The following LIMS1 variants were observed in gnomAD, a reference collection of about 807,000 sequenced individuals.
LIMS1 encodes the protein LIM zinc finger domain containing 1, also known as LIM and senescent cell antigen-like-containing domain protein 1.
Under a neutral mutation model 44.1 loss-of-function variants are expected in LIMS1, and 18 were observed. That is an observed-to-expected ratio of 0.41 (90% CI 0.28 to 0.61). The LOEUF (loss-of-function observed/expected upper bound fraction) is 0.61. Ranked by LOEUF, LIMS1 falls within the 20% of genes least tolerant of loss-of-function variation. The pLI, the probability that LIMS1 is intolerant of heterozygous loss-of-function variation, is 0.32. For missense variants in LIMS1, 201 were observed against 422.0 expected (o/e 0.48, Z 4.59); for synonymous variants, 93 against 149.1 (o/e 0.62, Z 2.74).
intron 1 of LIMS1, among the ~76,000 whole-genome samples, chr2:108,600,592 A>G (rs2104717887): frequency 6.6e-6 from 1 of 152,278 alleles, no homozygotes; most frequent in East Asian, 1.9e-4. Context: ...CATTATGGAT[A>G]TTCAGTTTTC....
chr2:108,610,584 A>G (rs1687546535), intron 1 of LIMS1, among the ~76,000 whole-genome samples: 1 of 152,134 alleles, frequency 6.6e-6, no homozygotes. Flanking sequence ...TGCTATTACC[A>G]TATCTAACAA....
chr2:108,595,199 G>A (rs1275000161), intron 1 of LIMS1, among the ~76,000 whole-genome samples: 1 of 152,118 alleles, frequency 6.6e-6, no homozygotes, highest in Non-Finnish European at 1.5e-5. Context: ...AACCGTATTT[G>A]GGTGGGGGTT....
At position 108,552,598 on chromosome 2, in the gene LIMS1, G is replaced by GTGTGTA. The variant is rs1250494670; in HGVS notation, c.32+18009_32+18010insATGTGT. Among the ~76,000 whole-genome samples, 154 of 149,644 alleles carry GTGTGTA rather than the reference G, an allele frequency of 1.0e-3. 2 individuals are homozygous for GTGTGTA. Among genetic ancestry groups the GTGTGTA allele is most frequent in the African/African-American group, 3.7e-3 (151 of 40,668 alleles). On this transcript the variant is annotated intron_variant, in intron 1 of 9. Transcript: ENST00000544547. ...ATATATATTTTGGGTGTGTGTGTGTGTGTGTGTGTGTGTGTTTTTGGAGAC... is the reference window on the plus strand; with the variant it reads ...ATATATATTTTGGGTGTGTGTGTGTGTGTGTATGTGTGTGTGTGTGTTTTTGGAGAC...
At chr2:108,621,718 T>A (rs1420547369) in intron 1 of LIMS1, among the ~76,000 whole-genome samples, 1 of 152,254 alleles carries the variant, frequency 6.6e-6, no homozygotes, top group Non-Finnish European at 1.5e-5. Flanking sequence ...GTTATGTCTT[T>A]AAAAATTATA....
At chr2:108,636,766 A>ACGG (rs1689280801) in intron 1 of LIMS1, among the ~76,000 whole-genome samples, 1 of 152,208 alleles carries the variant, frequency 6.6e-6, no homozygotes, top group African/African-American at 2.4e-5. Flanking sequence ...AACTGCTTTC[A>ACGG]AAAACCATAG....
At position 108,602,307 on chromosome 2, in the gene LIMS1, C is replaced by T. The variant is rs531581891; in HGVS notation, c.33-57298C>T. On this transcript the variant is annotated intron_variant, in intron 1 of 9. Coordinates refer to ENST00000544547, the Ensembl canonical transcript of LIMS1. Reference sequence around the variant, plus strand: ...CCTTTATTTCTCTTCTCTGATTGCCCTAGCTAGCACTTCCAGTACTGTGTT... The same window carrying T: ...CCTTTATTTCTCTTCTCTGATTGCCTTAGCTAGCACTTCCAGTACTGTGTT... Among the ~76,000 whole-genome samples, 3 of 152,270 alleles carry T rather than the reference C, an allele frequency of 2.0e-5. No individual in the cohort carries two copies. In the South Asian group the frequency reaches 6.2e-4, roughly 32 times the overall value.
At chr2:108,626,047 G>A (rs1173110065) in intron 1 of LIMS1, among the ~76,000 whole-genome samples, 1 of 152,158 alleles carries the variant, frequency 6.6e-6, no homozygotes. Flanking sequence ...AGGCTATAAA[G>A]GTGGTCATTG....
chr2:108,602,349 G>A (rs565005032), intron 1 of LIMS1, among the ~76,000 whole-genome samples: 1 of 152,308 alleles, frequency 6.6e-6, no homozygotes, highest in East Asian at 1.9e-4. Flanking sequence ...AGTGGTGAAA[G>A]TGGGCATCCT....
intron 1 of LIMS1, among the ~76,000 whole-genome samples, chr2:108,623,281 G>A (rs1688361742): frequency 6.6e-6 from 1 of 151,578 alleles, no homozygotes; most frequent in Non-Finnish European, 1.5e-5. Context: ...CCTATTTTCA[G>A]GATTAAATGA....
At chr2:108,551,877 GTA>G (rs554063808) in intron 1 of LIMS1, among the ~76,000 whole-genome samples, 2 of 141,910 alleles carry the variant, frequency 1.4e-5, no homozygotes, top group East Asian at 2.0e-4. Context: ...GTATACATAT[GTA>G]TATATGTGTA....
At chr2:108,656,318 T>A (rs2244097) in intron 1 of LIMS1, among the ~76,000 whole-genome samples, 1 of 84,256 alleles carries the variant, frequency 1.2e-5, no homozygotes, top group African/African-American at 3.5e-5. Flanking sequence ...TCTATCTATC[T>A]ATAGATAGAT....
intron 2 of LIMS1, among the ~76,000 whole-genome samples, chr2:108,670,320 A>T (rs1288550974): frequency 6.6e-6 from 1 of 150,892 alleles, no homozygotes; most frequent in Non-Finnish European, 1.5e-5. Flanking sequence ...ACTCCCATTT[A>T]AAAAAATAAT....
chr2:108,673,197 A>G, intron 5 of LIMS1, 168 bp downstream of exon 5: 3 of 1,081,904 alleles, frequency 2.8e-6, no homozygotes, highest in Non-Finnish European at 3.9e-6. Flanking sequence ...ACCTGTATAC[A>G]CTTAATTTCG....
intron 1 of LIMS1, among the ~76,000 whole-genome samples, chr2:108,643,478 G>C (rs535396802): frequency 2.6e-5 from 4 of 152,140 alleles, no homozygotes; most frequent in Non-Finnish European, 4.4e-5. Flanking sequence ...CTTTTCCCAC[G>C]GTCTTCGCAA....
At position 108,581,646 on chromosome 2, in the gene LIMS1, G is replaced by C. The variant is rs569622110; in HGVS notation, c.32+47052G>C. On this transcript the variant is annotated intron_variant, in intron 1 of 9. Transcript: ENST00000544547. ...TTAGATGTTATTATGTTTAGAAGAG[G>C]CTTGCTATAGGCTGGGCACGGTGGC... 2.1e-4 allele frequency among the ~76,000 whole-genome samples: 32 copies of C among 152,166 alleles called. No homozygotes were observed. In the South Asian group the frequency reaches 5.8e-3, roughly 28 times the overall value.
At chr2:108,674,298 C>G (rs1007457615) in intron 5 of LIMS1, among the ~76,000 whole-genome samples, 14 of 151,748 alleles carry the variant, frequency 9.2e-5, no homozygotes, top group African/African-American at 3.4e-4. Context: ...CCACTGCACT[C>G]GAACCTGGGA....
chr2:108,676,360 AC>A (rs1692564786), intron 6 of LIMS1, among the ~76,000 whole-genome samples: 1 of 152,194 alleles, frequency 6.6e-6, no homozygotes, highest in African/African-American at 2.4e-5. Flanking sequence ...TATAGGTGCT[AC>A]TGAGATGCTC....
chr2:108,549,299 T>C lies in LIMS1; in HGVS notation c.32+14705T>C, dbSNP rs977396271. Among the ~76,000 whole-genome samples the C allele has an allele frequency of 8.0e-3, 1,014 of 126,058 alleles. 5 individuals carry two copies. The highest frequency in any genetic ancestry group is 0.03 in the African/African-American group (972 of 32,280). 82.7% of individuals were successfully genotyped at this position (126,058 alleles called of 152,430 possible). On this transcript the variant is annotated intron_variant, in intron 1 of 9. Coordinates refer to ENST00000544547, the Ensembl canonical transcript of LIMS1. ...TGTTTCTTTTTTTTTTTTTTTTTTT[T>C]TTTTTTTTTTTTTGAGATGCAGTGT...
chr2:108,638,679 C>T (rs1390160954), intron 1 of LIMS1, among the ~76,000 whole-genome samples: 5 of 151,868 alleles, frequency 3.3e-5, no homozygotes, highest in East Asian at 3.9e-4. Context: ...CCCAGGAGAT[C>T]GAGGTTGCGG....
Sources: gnomAD v4.1 joint callset for allele counts (sites outside exome capture counted in the v4.1 genomes callset) on GRCh38, gnomAD v4.1.1 for gene constraint, MANE v1.5 for transcripts, NCBI Gene and HGNC (gene_info 2026-07-23, HGNC 2026-07-21) for gene names.